CCDC172: variants seen among roughly 807,000 people sequenced by gnomAD.
CCDC172 encodes coiled-coil domain-containing protein 172.
A neutral mutation model predicts 38.0 loss-of-function variants in CCDC172; 30 were observed. The observed-to-expected ratio is 0.79, with a 90% CI of 0.59 to 1.07. The LOEUF (loss-of-function observed/expected upper bound fraction) is 1.07, where lower values mean the gene tolerates loss of function less well. Among genes scored for constraint, CCDC172 ranks in the 50% least tolerant of loss-of-function variants. The pLI is 0.00. For missense variants in CCDC172, 297 were observed against 290.1 expected (o/e 1.02, Z -0.17); for synonymous variants, 78 against 88.3 (o/e 0.88, Z 0.66).
At chr10:116,361,722 C>T (rs1401936192) in intron 7 of CCDC172, among the ~76,000 whole-genome samples, 1 of 152,190 alleles carries the variant, frequency 6.6e-6, no homozygotes, top group Non-Finnish European at 1.5e-5. Flanking sequence ...TAAAGCAGTG[C>T]TGTGACCTCT....
intron 3 of CCDC172, among the ~76,000 whole-genome samples, chr10:116,335,987 C>T (rs1397799824): frequency 2.0e-5 from 3 of 151,648 alleles, no homozygotes; most frequent in African/African-American, 4.8e-5. Flanking sequence ...GCCAACATGG[C>T]GAAACCCTGT....
At chr10:116,373,225 T>G (rs1021746310) in intron 7 of CCDC172, among the ~76,000 whole-genome samples, 1 of 151,856 alleles carries the variant, frequency 6.6e-6, no homozygotes, top group African/African-American at 2.4e-5. Context: ...CTGGACAACA[T>G]AGAGAGACCC....
At chr10:116,347,888 C>T (rs1844886438) in intron 5 of CCDC172, among the ~76,000 whole-genome samples, 1 of 152,060 alleles carries the variant, frequency 6.6e-6, no homozygotes, top group African/African-American at 2.4e-5. Flanking sequence ...TTCATATTTC[C>T]AACTGTAATC....
chr10:116,364,936 A>G (rs950805949), intron 7 of CCDC172, among the ~76,000 whole-genome samples: 1 of 152,192 alleles, frequency 6.6e-6, no homozygotes, highest in Non-Finnish European at 1.5e-5. Context: ...GATGCAGGAA[A>G]TTATAAAAAT....
intron 3 of CCDC172, among the ~76,000 whole-genome samples, chr10:116,335,314 G>A (rs190680964): frequency 1.6e-4 from 25 of 151,786 alleles, no homozygotes; most frequent in Admixed American, 8.5e-4. Flanking sequence ...TTGCATGTGC[G>A]TGTATATATC....
chr10:116,358,828 C>T (rs75786894), intron 7 of CCDC172, among the ~76,000 whole-genome samples: 2,535 of 151,218 alleles, frequency 0.017, 77 homozygotes, highest in African/African-American at 0.059. Context: ...TTTTTTTTTG[C>T]ACTTTAAAAA....
chr10:116,363,223 A>C (rs1845084956), intron 7 of CCDC172, among the ~76,000 whole-genome samples: 1 of 152,072 alleles, frequency 6.6e-6, no homozygotes, highest in South Asian at 2.1e-4. Context: ...TACCCCAACC[A>C]ACCAGGATTT....
chr10:116,378,151 A>G (rs1845270465), intron 7 of CCDC172, among the ~76,000 whole-genome samples: 1 of 152,192 alleles, frequency 6.6e-6, no homozygotes, highest in African/African-American at 2.4e-5. Context: ...ACTGTACTCC[A>G]GCCTGGATGA....
intron 5 of CCDC172, among the ~76,000 whole-genome samples, chr10:116,345,173 C>T (rs1844850619): frequency 6.6e-6 from 1 of 152,072 alleles, no homozygotes; most frequent in Non-Finnish European, 1.5e-5. Flanking sequence ...ATAGCTGGAA[C>T]AGAAGAGTCC....
chr10:116,377,581 CTTAA>C (rs992991143), intron 7 of CCDC172, among the ~76,000 whole-genome samples: 1 of 152,002 alleles, frequency 6.6e-6, no homozygotes, highest in Non-Finnish European at 1.5e-5. Context: ...AACTTAAAGA[CTTAA>C]TTGGGGAAAA....
chr10:116,341,717 T>C (rs1844797630), intron 4 of CCDC172, among the ~76,000 whole-genome samples: 1 of 151,838 alleles, frequency 6.6e-6, no homozygotes, highest in Non-Finnish European at 1.5e-5. Context: ...AGTTTTATAT[T>C]ATAATTATAA....
chr10:116,331,112 T>G (rs1230349445), intron 3 of CCDC172, among the ~76,000 whole-genome samples: 1 of 152,198 alleles, frequency 6.6e-6, no homozygotes, highest in Non-Finnish European at 1.5e-5. Context: ...TTTTCTAATT[T>G]GTTTTTGTTT....
chr10:116,337,328 T>A (rs1287538509), intron 3 of CCDC172, among the ~76,000 whole-genome samples: 1 of 152,002 alleles, frequency 6.6e-6, no homozygotes, highest in East Asian at 1.9e-4. Context: ...GATTCTTGTA[T>A]TTTTAGTAGA....
At chr10:116,326,716 G>T (rs893367552) in intron 3 of CCDC172, among the ~76,000 whole-genome samples, 43 of 152,040 alleles carry the variant, frequency 2.8e-4, no homozygotes, top group Non-Finnish European at 7.4e-5. Context: ...CTGCGTATCT[G>T]GAATTTTTTT....
At chr10:116,338,695 T>C (rs374556845) in intron 3 of CCDC172, among the ~76,000 whole-genome samples, 1 of 152,104 alleles carries the variant, frequency 6.6e-6, no homozygotes, top group East Asian at 1.9e-4. Context: ...GGCTCAGTGG[T>C]AATTTAAGCT....
At chr10:116,350,201 G>A (rs1844914474) in intron 5 of CCDC172, among the ~76,000 whole-genome samples, 2 of 152,204 alleles carry the variant, frequency 1.3e-5, no homozygotes, top group South Asian at 2.1e-4. Flanking sequence ...GCAAAAGAGC[G>A]AAGGGTCTCA....
chr10:116,329,339 C>CCTT (rs371136584), intron 3 of CCDC172, among the ~76,000 whole-genome samples: 16,931 of 152,024 alleles, frequency 0.11, 1,118 homozygotes, highest in East Asian at 0.21. Flanking sequence ...TTGTAATGGG[C>CCTT]TGTTTTTTCT....
intron 5 of CCDC172, among the ~76,000 whole-genome samples, chr10:116,349,043 C>A (rs142007878): frequency 6.6e-6 from 1 of 152,238 alleles, no homozygotes; most frequent in Non-Finnish European, 1.5e-5. Flanking sequence ...AGATCAGCAG[C>A]AGTTATTAGA....
intron 3 of CCDC172, among the ~76,000 whole-genome samples, chr10:116,335,813 C>A (rs916019331): frequency 1.3e-5 from 2 of 151,952 alleles, no homozygotes; most frequent in African/African-American, 4.8e-5. Context: ...TTACTAGCTT[C>A]TTTACTAAAC....
Sources: allele counts gnomAD v4.1 joint callset (sites outside exome capture counted in the v4.1 genomes callset), GRCh38; gene constraint gnomAD v4.1.1; transcripts MANE v1.5; gene names NCBI Gene and HGNC (gene_info 2026-07-23, HGNC 2026-07-21).